The following LRRC43 variants were observed in gnomAD, a reference collection of about 807,000 sequenced individuals.
LRRC43 encodes the protein leucine-rich repeat-containing protein 43.
A neutral mutation model predicts 64.3 loss-of-function variants in LRRC43; 62 were observed. The observed-to-expected ratio is 0.96, with a 90% CI of 0.79 to 1.19. The LOEUF (loss-of-function observed/expected upper bound fraction) is 1.19, where lower values mean the gene tolerates loss of function less well. Ranked by LOEUF, LRRC43 falls within the 50% of genes most tolerant of loss-of-function variation. The pLI, the probability that LRRC43 is intolerant of heterozygous loss-of-function variation, is 0.00. For synonymous variants in LRRC43, 422 were observed against 382.3 expected, an observed-to-expected ratio of 1.10 and a Z score of -1.21; for missense variants, 868 against 845.0, an observed-to-expected ratio of 1.03 and a Z score of -0.34.
chr12:122,180,159 G>A (rs1431704853), upstream of LRRC43, among the ~76,000 whole-genome samples: 1 of 152,086 alleles, frequency 6.6e-6, no homozygotes, highest in Non-Finnish European at 1.5e-5. Context: ...CAGAAACTTT[G>A]CTGGGAGAGT....
At chr12:122,183,059 T>G, upstream of LRRC43, 1 of 1,467,902 alleles carries the variant, frequency 6.8e-7, no homozygotes. Flanking sequence ...TGGGGGACTT[T>G]TCCCTCGGGG....
At chr12:122,171,292 C>A (rs1953483189) in intron 1 of LRRC43, among the ~76,000 whole-genome samples, 1 of 152,224 alleles carries the variant, frequency 6.6e-6, no homozygotes, top group African/African-American at 2.4e-5. Context: ...GAGCAAGTGA[C>A]TGACTGACTT....
chr12:122,193,151 C>T (rs543625984), intron 7 of LRRC43, 147 bp downstream of exon 7: 98 of 758,832 alleles, frequency 1.3e-4, no homozygotes, highest in Non-Finnish European at 8.6e-5. Context: ...GAGGCAGAGG[C>T]GGGCGGATCA....
intron 7 of LRRC43, among the ~76,000 whole-genome samples, chr12:122,196,212 C>T (rs570315412): frequency 6.6e-6 from 1 of 152,326 alleles, no homozygotes; most frequent in African/African-American, 2.4e-5. Context: ...ATAGTCTAGT[C>T]TACCACGTCC....
chr12:122,187,831 C>A lies in LRRC43; in HGVS notation c.653C>A (p.Ala218Asp), dbSNP rs1177471114. 3 of 1,613,950 alleles carry A rather than the reference C, an allele frequency of 1.9e-6. No individual in the cohort carries two copies. Among genetic ancestry groups the A allele is most frequent in the African/African-American group, 2.7e-5 (2 of 74,882 alleles). ...LGPLESLYVT[A>D]NHWPNLVSLD... ...CCCTTGGAAAGTCTCTACGTCACCG[C>A]TAATCACTGGTAACTCGGGAGCCCA... Residue 218 changes from alanine (A) to aspartate (D), a missense_variant, in exon 4 of 12, where the codon GCT (alanine) becomes GAT (aspartate). By Grantham distance (126) the Ala-to-Asp change is moderately radical (BLOSUM62 -2). Transcript: ENST00000339777.
chr12:122,200,728 G>A lies in LRRC43; in HGVS notation c.1621-18G>A, dbSNP rs61488667. The A allele has an allele frequency of 6.2e-7, 1 of 1,612,964 alleles. No homozygotes were observed. The highest frequency in any genetic ancestry group is 8.5e-7 in the Non-Finnish European group (1 of 1,179,974). On this transcript the variant is annotated intron_variant, in intron 9 of 11. Coordinates refer to ENST00000339777, the MANE Select transcript of LRRC43 (RefSeq NM_001098519.2). This position sits in a 1 kb window ranked among gnomAD's most constrained non-coding sequence, Gnocchi z 4.6. ...TTGCTTCAACTTGTCCCACCCTCCT[G>A]TCCTCCCGTCGTCGCAGGAGTGGAA...
chr12:122,187,849 G>T lies in LRRC43; in HGVS notation c.662+9G>T. 6.2e-7 allele frequency: 1 copy of T among 1,613,576 alleles called. No individual in the cohort carries two copies. The highest frequency in any genetic ancestry group is 8.5e-7 in the Non-Finnish European group (1 of 1,179,806). On this transcript the variant is annotated intron_variant, in intron 4 of 11. Transcript: ENST00000339777. ...GTCACCGCTAATCACTGGTAACTCG[G>T]GAGCCCAGATGGAAAGTGAGAGGGA... is the stretch of plus-strand genomic sequence containing the variant.
intron 4 of LRRC43, among the ~76,000 whole-genome samples, chr12:122,189,002 C>T (rs1311309879): frequency 1.3e-5 from 2 of 152,200 alleles, no homozygotes. Context: ...AGCCCTAGCG[C>T]CAGCCGCTCC....
intron 1 of LRRC43, among the ~76,000 whole-genome samples, chr12:122,173,600 C>T (rs1392927379): frequency 6.6e-6 from 1 of 151,894 alleles, no homozygotes; most frequent in African/African-American, 2.4e-5. Flanking sequence ...AGGAGAATCG[C>T]TTGAACCCAG....
At chr12:122,191,696 C>A in intron 6 of LRRC43, 129 bp downstream of exon 6, 1 of 741,780 alleles carries the variant, frequency 1.3e-6, no homozygotes, top group Non-Finnish European at 2.0e-6. Context: ...GCTCTGTCAC[C>A]CAGGCTGGAG....
chr12:122,198,279 G>A (rs1482898777), intron 7 of LRRC43, among the ~76,000 whole-genome samples: 3 of 152,234 alleles, frequency 2.0e-5, no homozygotes, highest in African/African-American at 7.2e-5. Context: ...GAGCCACTGC[G>A]CCCGGCCGAG....
At chr12:122,188,079 C>T (rs779224513) in intron 4 of LRRC43, among the ~76,000 whole-genome samples, 2 of 151,926 alleles carry the variant, frequency 1.3e-5, no homozygotes, top group African/African-American at 2.4e-5. Context: ...GCTTTGGTGC[C>T]GTATTTTAAT....
chr12:122,203,374 G>C lies in LRRC43; in HGVS notation c.1903G>C (p.Val635Leu), dbSNP rs538569275. The change falls in exon 12 of 12, where the codon GTA (valine) becomes CTA (leucine). Residue 635 changes from valine to leucine, a missense_variant. Val to Leu is a conservative substitution (Grantham distance 32). Coordinates refer to ENST00000339777, the MANE Select transcript of LRRC43 (RefSeq NM_001098519.2). The part of the protein sequence containing the change: ...EGDYHPEPLT[V>L]EVQIQLNQCR... ...CGATTACCACCCTGAGCCCCTGACC[G>C]TAGAGGTGCAGATCCAGCTGAACCA... 1.5e-5 allele frequency: 25 copies of C among 1,613,258 alleles called. No individual in the cohort carries two copies. The highest frequency in any genetic ancestry group is 2.0e-5 in the Non-Finnish European group (24 of 1,179,930).
At chr12:122,179,153 G>A (rs982375134), upstream of LRRC43, among the ~76,000 whole-genome samples, 1 of 152,100 alleles carries the variant, frequency 6.6e-6, no homozygotes, top group African/African-American at 2.4e-5. Flanking sequence ...AGAGTGCAGT[G>A]GTGTGATCAC....
At chr12:122,175,362 G>T (rs770104321) in intron 1 of LRRC43, among the ~76,000 whole-genome samples, 42 of 151,298 alleles carry the variant, frequency 2.8e-4, no homozygotes, top group Non-Finnish European at 5.7e-4. Flanking sequence ...TAGAGACGGG[G>T]TTCACTATGT....
chr12:122,192,434 C>T lies in LRRC43; in HGVS notation c.1090-311C>T, dbSNP rs1953729226. On this transcript the variant is annotated intron_variant, in intron 6 of 11. Transcript: ENST00000339777. ...TACAGGCGTGAGCCACCGCGCCTAG[C>T]CCCATTCTGCAATTTCTACAACTCC... 1.3e-5 allele frequency among the ~76,000 whole-genome samples: 2 copies of T among 152,206 alleles called. 1 individual carries two copies. Among genetic ancestry groups the T allele is most frequent in the African/African-American group, 4.8e-5 (2 of 41,448 alleles).
intron 1 of LRRC43, among the ~76,000 whole-genome samples, chr12:122,170,947 A>G (rs992140292): frequency 3.9e-5 from 6 of 152,174 alleles, no homozygotes; most frequent in African/African-American, 1.4e-4. Context: ...AGACCCAATG[A>G]TTGACATTTC....
chr12:122,170,940 C>A (rs1278590791), intron 1 of LRRC43, among the ~76,000 whole-genome samples: 1 of 152,178 alleles, frequency 6.6e-6, no homozygotes, highest in Non-Finnish European at 1.5e-5. Context: ...TGGGGTGAGA[C>A]CCAATGATTG....
intron 7 of LRRC43, among the ~76,000 whole-genome samples, chr12:122,194,306 T>C (rs1953752686): frequency 6.6e-6 from 1 of 151,814 alleles, no homozygotes. Flanking sequence ...CTGTTGTGGC[T>C]CATGCCTGTA....
Sources: allele counts gnomAD v4.1 joint callset (sites outside exome capture counted in the v4.1 genomes callset), GRCh38; gene constraint gnomAD v4.1.1; non-coding constraint Gnocchi (gnomAD v3.1); transcripts MANE v1.5; gene names NCBI Gene and HGNC (gene_info 2026-07-23, HGNC 2026-07-21).